GALNT17: variants seen among roughly 807,000 people sequenced by gnomAD.
GALNT17 encodes polypeptide N-acetylgalactosaminyltransferase 17, also known as UDP-GalNAc:polypeptide N-acetylgalactosaminyltransferase-like 3.
In GALNT17, 29 loss-of-function variants were observed where a neutral mutation model predicts 63.7. That is an observed-to-expected ratio of 0.46 (90% CI 0.34 to 0.62). GALNT17 has a LOEUF of 0.62. Among genes scored for constraint, GALNT17 ranks in the 20% least tolerant of loss-of-function variants. The pLI, the probability that GALNT17 is intolerant of heterozygous loss-of-function variation, is 0.01. For missense variants in GALNT17, 603 were observed against 799.6 expected (o/e 0.75, Z 2.97); for synonymous variants, 305 against 318.3 (o/e 0.96, Z 0.45).
At chr7:71,603,016 GTGCTAAGTGCATATACCAGTTACTA>G (rs1223464193) in intron 6 of GALNT17, among the ~76,000 whole-genome samples, 4 of 150,778 alleles carry the variant, frequency 2.7e-5, no homozygotes, top group East Asian at 2.0e-4. Flanking sequence ...ACTGGATACT[GTGCTAAGTGCATATACCAGTTACTA>G]TGCTAAGTGC....
At chr7:71,424,277 T>C (rs73363773) in intron 5 of GALNT17, among the ~76,000 whole-genome samples, 6,789 of 152,134 alleles carry the variant, frequency 0.045, 537 homozygotes, top group African/African-American at 0.16. Flanking sequence ...AGACAGTGAG[T>C]TTCATGTGTT....
At chr7:71,614,891 G>A (rs1790177775) in intron 6 of GALNT17, among the ~76,000 whole-genome samples, 1 of 141,226 alleles carries the variant, frequency 7.1e-6, no homozygotes, top group Non-Finnish European at 1.5e-5. Context: ...AAGGGAGGGA[G>A]GGAGGGAGGG....
chr7:71,685,271 G>A (rs550423681), intron 9 of GALNT17, among the ~76,000 whole-genome samples: 1 of 152,204 alleles, frequency 6.6e-6, no homozygotes, highest in South Asian at 2.1e-4. Flanking sequence ...GGTTCAGGGT[G>A]GCCCAAAAGG....
chr7:71,223,523 T>C (rs1789625360), intron 1 of GALNT17, among the ~76,000 whole-genome samples: 2 of 152,170 alleles, frequency 1.3e-5, no homozygotes, highest in Non-Finnish European at 1.5e-5. Flanking sequence ...ATCCCAACTT[T>C]TTTTTTTCGA....
chr7:71,241,955 C>T (rs1280956622), intron 1 of GALNT17, among the ~76,000 whole-genome samples: 1 of 152,096 alleles, frequency 6.6e-6, no homozygotes, highest in Non-Finnish European at 1.5e-5. Context: ...CATGGTTCTG[C>T]AGATTGTACA....
intron 5 of GALNT17, among the ~76,000 whole-genome samples, chr7:71,497,215 T>A (rs1788110717): frequency 6.6e-6 from 1 of 152,338 alleles, no homozygotes; most frequent in South Asian, 2.1e-4. Flanking sequence ...TGAGCTGACC[T>A]TCTTCTGTGC....
intron 1 of GALNT17, among the ~76,000 whole-genome samples, chr7:71,274,533 G>A (rs533713961): frequency 3.2e-4 from 49 of 152,230 alleles, no homozygotes; most frequent in African/African-American, 1.2e-3. Flanking sequence ...TTCTTCCACG[G>A]CCTCCAAAAG....
At chr7:71,356,876 G>T (rs1174922534) in intron 2 of GALNT17, among the ~76,000 whole-genome samples, 1 of 152,100 alleles carries the variant, frequency 6.6e-6, no homozygotes, top group Non-Finnish European at 1.5e-5. Context: ...CCGCCTTCTG[G>T]GTTCAAGCAG....
chr7:71,468,095 G>A (rs1229057620), intron 5 of GALNT17, among the ~76,000 whole-genome samples: 2 of 151,534 alleles, frequency 1.3e-5, no homozygotes, highest in African/African-American at 2.4e-5. Context: ...AGGCGTGACT[G>A]TACCTCACTG....
chr7:71,459,270 A>G (rs1787410669), intron 5 of GALNT17, among the ~76,000 whole-genome samples: 1 of 152,216 alleles, frequency 6.6e-6, no homozygotes, highest in African/African-American at 2.4e-5. Flanking sequence ...GAATACAGAA[A>G]AAAAAAGTGA....
At chr7:71,595,087 A>G (rs1409182971) in intron 6 of GALNT17, among the ~76,000 whole-genome samples, 3 of 152,172 alleles carry the variant, frequency 2.0e-5, no homozygotes, top group Non-Finnish European at 4.4e-5. Flanking sequence ...CAAGCCAAGG[A>G]GCCCCAAAGA....
intron 1 of GALNT17, among the ~76,000 whole-genome samples, chr7:71,274,897 G>A (rs1380476884): frequency 2.6e-5 from 4 of 152,178 alleles, no homozygotes; most frequent in African/African-American, 9.7e-5. Flanking sequence ...TAGTTATCCT[G>A]CCAACAACAT....
intron 1 of GALNT17, among the ~76,000 whole-genome samples, chr7:71,141,840 CTG>C (rs34121771): frequency 0.16 from 20,245 of 124,386 alleles, 1,248 homozygotes; most frequent in Middle Eastern, 0.26. Flanking sequence ...CCACGTCTGG[CTG>C]TGTGTGTGTG....
chr7:71,411,874 C>G (rs1267137034), intron 3 of GALNT17, among the ~76,000 whole-genome samples: 1 of 152,208 alleles, frequency 6.6e-6, no homozygotes, highest in South Asian at 2.1e-4. Flanking sequence ...CCTTCTCACC[C>G]ACAGAGGCTC....
chr7:71,333,186 C>T (rs181146212), intron 1 of GALNT17, among the ~76,000 whole-genome samples: 1 of 152,206 alleles, frequency 6.6e-6, no homozygotes, highest in African/African-American at 2.4e-5. Context: ...CTGAAAGCAA[C>T]CATGGATCTA....
chr7:71,669,935 C>A (rs752304490), intron 7 of GALNT17, 37 bp from the exon 8 acceptor site: 1 of 1,611,452 alleles, frequency 6.2e-7, no homozygotes, highest in East Asian at 2.2e-5. Flanking sequence ...CAGAGCTCCA[C>A]AGTCACTAAC....
At chr7:71,444,704 G>C (rs544831282) in intron 5 of GALNT17, among the ~76,000 whole-genome samples, 7 of 152,266 alleles carry the variant, frequency 4.6e-5, no homozygotes, top group African/African-American at 1.4e-4. Context: ...GGCAGCGCCT[G>C]TAATCCCAGC....
intron 1 of GALNT17, among the ~76,000 whole-genome samples, chr7:71,240,395 G>C (rs780696749): frequency 7.2e-5 from 11 of 152,190 alleles, no homozygotes; most frequent in Non-Finnish European, 1.5e-4. Flanking sequence ...ACAGTATCCA[G>C]TAGGTAGTTT....
At chr7:71,407,034 CT>C (rs1239749759) in intron 3 of GALNT17, among the ~76,000 whole-genome samples, 1 of 152,154 alleles carries the variant, frequency 6.6e-6, no homozygotes, top group Non-Finnish European at 1.5e-5. Context: ...CATTTTTTCA[CT>C]GTGATCTCTG....
Sources: allele counts gnomAD v4.1 joint callset (sites outside exome capture counted in the v4.1 genomes callset), GRCh38; gene constraint gnomAD v4.1.1; transcripts MANE v1.5; gene names NCBI Gene and HGNC (gene_info 2026-07-23, HGNC 2026-07-21).